The following MAFK variants were observed in gnomAD, a reference collection of about 807,000 sequenced individuals.
The protein encoded by MAFK is transcription factor MafK.
MAFK carries 1 observed loss-of-function variant against 9.2 expected under a neutral mutation model. The observed-to-expected ratio is 0.11, with a 90% CI of 0.04 to 0.52. The LOEUF is 0.52. Among genes scored for constraint, MAFK ranks in the 20% least tolerant of loss-of-function variants. The pLI is 0.94. For missense variants in MAFK, 207 were observed against 236.0 expected (o/e 0.88, Z 0.81); for synonymous variants, 110 against 107.4 (o/e 1.02, Z -0.15).
chr7:1,537,317 G>T, intron 1 of MAFK: 1 of 932,148 alleles, frequency 1.1e-6, no homozygotes, highest in Non-Finnish European at 1.3e-6. Context: ...TGGGTGGGAG[G>T]CCCGGGTGTG....
intron 1 of MAFK, among the ~76,000 whole-genome samples, chr7:1,533,651 G>A (rs1783958144): frequency 6.6e-6 from 1 of 152,200 alleles, no homozygotes; most frequent in African/African-American, 2.4e-5. Context: ...GGTCCAGACA[G>A]GAGACGCTGG....
At chr7:1,531,267 G>T (rs1325770957) in intron 1 of MAFK, among the ~76,000 whole-genome samples, 2 of 150,230 alleles carry the variant, frequency 1.3e-5, no homozygotes, top group East Asian at 3.9e-4. Flanking sequence ...CGGGGGGCGG[G>T]GCGGGGCGGG....
At chr7:1,537,594 G>A (rs574101681) in intron 1 of MAFK, 3 of 985,568 alleles carry the variant, frequency 3.0e-6, no homozygotes, top group South Asian at 4.7e-5. Flanking sequence ...GGCCGTCCCC[G>A]GGACCGGCTG....
chr7:1,535,377 G>A (rs190217564), intron 1 of MAFK, among the ~76,000 whole-genome samples: 5 of 152,152 alleles, frequency 3.3e-5, no homozygotes, highest in African/African-American at 9.7e-5. Context: ...AAAAATGGCC[G>A]GGCATGGTGG....
rs767561644 is a variant in MAFK, at chr7:1,534,099, G to T, written c.-45+3201G>T. 2.6e-6 allele frequency: 1 copy of T among 389,648 alleles called. No individual in the cohort carries two copies. The highest frequency in any genetic ancestry group is 1.8e-5 in the South Asian group (1 of 56,930). The allele number at this position is 389,648 out of a possible 1,614,324, so 24.1% of individuals were successfully genotyped here. A position where few individuals can be genotyped will look rare whatever the true frequency, so the allele number is the denominator to read the frequency against. The stretch of plus-strand genomic sequence containing the variant: ...GCCGGGCCGACAGTCATGGCTTGCT[G>T]GAGGGCAGCCAGCCAGGGCCAGGCT... On this transcript the variant is annotated intron_variant, in intron 1 of 2. Transcript: ENST00000343242. The surrounding 1 kb of genome is among the most constrained non-coding windows in gnomAD (Gnocchi z 4.3).
In MAFK at chr7:1,540,046, G is replaced by C; in HGVS notation, c.142G>C (p.Glu48Gln). ...NQHLRGLTKEEVTRLKQRRRT... is the reference protein window; with the variant it reads ...NQHLRGLTKEQVTRLKQRRRT... ...GCACCTGCGGGGTCTCACCAAGGAG[G>C]AGGTGACCCGCCTGAAGCAGCGTCG... The change falls in exon 3 of 3, where the codon GAG becomes CAG. Residue 48 changes from glutamate to glutamine, a missense_variant. By Grantham distance (29) the Glu-to-Gln change is conservative. Coordinates refer to ENST00000343242, the MANE Select transcript of MAFK (RefSeq NM_002360.4). 2.6e-6 allele frequency: 4 copies of C among 1,559,104 alleles called. No homozygotes were observed. The South Asian group carries it at 4.7e-5, about 18-fold the overall frequency.
chr7:1,538,477 TGGGGA>T, intron 1 of MAFK: 1 of 70,426 alleles, frequency 1.4e-5, no homozygotes, highest in Non-Finnish European at 2.8e-5. Flanking sequence ...CCGTGGCCTG[TGGGGA>T]GGGCGGGGCG....
In MAFK at chr7:1,537,338, C is replaced by T. The variant is rs191618379; in HGVS notation, c.-44-1811C>T. The T allele has an allele frequency of 3.2e-5, 31 of 975,744 alleles. No individual in the cohort carries two copies. The East Asian group carries it at 1.0e-3, about 32-fold the overall frequency. The allele number at this position is 975,744 out of a possible 1,614,324, so 60.4% of individuals were successfully genotyped here. A position where few individuals can be genotyped will look rare whatever the true frequency, so the allele number is the denominator to read the frequency against. On this transcript the variant is annotated intron_variant, in intron 1 of 2. Transcript: ENST00000343242. ...GGAGGCCCGGGTGTGTGGGAATGCG[C>T]GCGGCTCTGTAAACATCTGGTGACT...
chr7:1,540,101 C>T lies in MAFK; in HGVS notation c.197C>T (p.Ala66Val), dbSNP rs1784139994. 1.3e-6 allele frequency: 2 copies of T among 1,568,756 alleles called. No individual in the cohort carries two copies. The highest frequency in any genetic ancestry group is 1.7e-6 in the Non-Finnish European group (2 of 1,156,904). ...ACACTCAAGAACCGCGGCTACGCGG[C>T]CAGCTGCCGCATCAAGCGGGTGACG... Reference protein sequence around the residue: ...RRTLKNRGYAASCRIKRVTQK... With the variant: ...RRTLKNRGYAVSCRIKRVTQK... The change falls in exon 3 of 3, where the codon GCC becomes GTC. Residue 66 changes from alanine to valine, a missense_variant. Ala to Val is a moderately conservative substitution (Grantham distance 64). Transcript: ENST00000343242.
At chr7:1,537,730 GGTTGC>G in intron 1 of MAFK, 1 of 984,244 alleles carries the variant, frequency 1.0e-6, no homozygotes, top group Non-Finnish European at 1.2e-6. Flanking sequence ...GGGGTTTGTG[GGTTGC>G]GGGGGTGGGG....
At chr7:1,533,454 G>C (rs985876674) in intron 1 of MAFK, among the ~76,000 whole-genome samples, 1 of 152,226 alleles carries the variant, frequency 6.6e-6, no homozygotes, top group Non-Finnish European at 1.5e-5. Flanking sequence ...GAGAGCAGTG[G>C]GGAGTGTTTC....
In MAFK at chr7:1,539,957, G is replaced by T. The variant is rs1452774044; in HGVS notation, c.53G>T (p.Gly18Val). 2 of 1,536,482 alleles carry T rather than the reference G, an allele frequency of 1.3e-6. No individual in the cohort carries two copies. Among genetic ancestry groups the T allele is most frequent in the Admixed American group, 4.0e-5 (2 of 50,292 alleles). ...GCCCCCCAGGTCAAGAAGGAGGCGG[G>T]CGAGAACGCCCCGGTGCTCAGCGAT... is the stretch of plus-strand genomic sequence containing the variant. ...NKALKVKKEA[G>V]ENAPVLSDDE... The change falls in exon 3 of 3, where the codon GGC (glycine) becomes GTC (valine). Residue 18 changes from glycine (G) to valine (V), a missense_variant. Transcript: ENST00000343242.
rs1783918561 is a variant in MAFK, at chr7:1,532,054, A to G, written c.-45+1156A>G. ...GATCCTGAGACTCAAAACGCCCCCC[A>G]CCGCCCCCCATCGTGGTCTAGGGGA... is the stretch of plus-strand genomic sequence containing the variant. On this transcript the variant is annotated intron_variant, in intron 1 of 2. Coordinates refer to ENST00000343242, the MANE Select transcript of MAFK (RefSeq NM_002360.4). The surrounding 1 kb of genome is among the most constrained non-coding windows in gnomAD (Gnocchi z 4.5). Among the ~76,000 whole-genome samples the G allele has an allele frequency of 6.6e-6, 1 of 151,964 alleles. No individual in the cohort carries two copies. The highest frequency in any genetic ancestry group is 2.4e-5 in the African/African-American group (1 of 41,364).
chr7:1,536,193 AC>A (rs1332707648), intron 1 of MAFK, among the ~76,000 whole-genome samples: 4 of 151,958 alleles, frequency 2.6e-5, no homozygotes, highest in South Asian at 2.1e-4. Context: ...CACAGCGGAA[AC>A]TCAGACCCGC....
At chr7:1,537,389 CCTGTGCACTGACGTGCT>C in intron 1 of MAFK, 1 of 985,504 alleles carries the variant, frequency 1.0e-6, no homozygotes, top group Non-Finnish European at 1.2e-6. Context: ...TCGTGGCCGG[CCTGTGCACTGACGTGCT>C]CGCAGTGGAG....
At chr7:1,537,624 A>G in intron 1 of MAFK, 2 of 985,538 alleles carry the variant, frequency 2.0e-6, no homozygotes, top group Non-Finnish European at 2.4e-6. Context: ...TGTGCCATCT[A>G]CGTCAGCGCC....
chr7:1,538,361 C>T (rs1784088930), intron 1 of MAFK: 1 of 985,180 alleles, frequency 1.0e-6, no homozygotes, highest in African/African-American at 1.7e-5. Context: ...ACCTGCCGCC[C>T]CTCAGGAACC....
intron 2 of MAFK, 40 bp downstream of exon 2, chr7:1,539,268 C>T (rs570298281): frequency 2.2e-4 from 336 of 1,548,994 alleles, no homozygotes; most frequent in South Asian, 1.1e-3. Flanking sequence ...CAAGCACAGG[C>T]GTGGGAAAGG....
Position 1,532,798 on chromosome 7 carries a change from G to A in MAFK, c.-45+1900G>A, listed in dbSNP as rs1419555422. Among the ~76,000 whole-genome samples the A allele has an allele frequency of 6.6e-6, 1 of 152,182 alleles. No individual in the cohort carries two copies. Among genetic ancestry groups the A allele is most frequent in the African/African-American group, 2.4e-5 (1 of 41,438 alleles). On this transcript the variant is annotated intron_variant, in intron 1 of 2. Coordinates refer to ENST00000343242, the MANE Select transcript of MAFK (RefSeq NM_002360.4). The surrounding 1 kb of genome is among the most constrained non-coding windows in gnomAD (Gnocchi z 4.5). ...AGAAGTTGTGCCTGTTCTTGTCCCA[G>A]CTGTTTCTGAGTCTAAAGGTTTCTG...
Sources: allele counts gnomAD v4.1 joint callset (sites outside exome capture counted in the v4.1 genomes callset), GRCh38; gene constraint gnomAD v4.1.1; non-coding constraint Gnocchi (gnomAD v3.1); transcripts MANE v1.5; gene names NCBI Gene and HGNC (gene_info 2026-07-23, HGNC 2026-07-21).